The following UST variants were observed in gnomAD, a reference collection of about 807,000 sequenced individuals.
UST encodes the protein uronyl 2-sulfotransferase, also known as chondroitin sulfate 2-O-sulfotransferase.
UST carries 21 observed loss-of-function variants against 45.6 expected under a neutral mutation model. That is an observed-to-expected ratio of 0.46 (90% CI 0.33 to 0.66). UST has a LOEUF of 0.66. Among genes scored for constraint, UST ranks in the 30% least tolerant of loss-of-function variants. The pLI, the probability that UST is intolerant of heterozygous loss-of-function variation, is 0.02. For synonymous variants in UST, 215 were observed against 200.6 expected, an observed-to-expected ratio of 1.07 and a Z score of -0.61; for missense variants, 463 against 512.4, an observed-to-expected ratio of 0.90 and a Z score of 0.93.
chr6:148,910,039 A>G (rs1230965728), intron 2 of UST, among the ~76,000 whole-genome samples: 2 of 150,666 alleles, frequency 1.3e-5, no homozygotes, highest in Admixed American at 6.6e-5. Flanking sequence ...GCTTCTTGTT[A>G]TTGGAACTTA....
chr6:148,857,411 T>C (rs1365661781), intron 1 of UST, among the ~76,000 whole-genome samples: 1 of 152,184 alleles, frequency 6.6e-6, no homozygotes, highest in Non-Finnish European at 1.5e-5. Flanking sequence ...CCACCGTAAG[T>C]TCTGCCAACA....
At chr6:148,799,481 G>T (rs1428127407) in intron 1 of UST, among the ~76,000 whole-genome samples, 3 of 152,136 alleles carry the variant, frequency 2.0e-5, no homozygotes, top group Non-Finnish European at 4.4e-5. Context: ...CGAAGTTGGT[G>T]GTTCCCGGCA....
At chr6:148,801,210 C>A (rs1777052707) in intron 1 of UST, among the ~76,000 whole-genome samples, 1 of 151,892 alleles carries the variant, frequency 6.6e-6, no homozygotes, top group Admixed American at 6.6e-5. Flanking sequence ...GATTTTTCCC[C>A]CAGAGGTATT....
At chr6:148,998,892 GGCAGCACTT>G (rs1372984015) in intron 5 of UST, among the ~76,000 whole-genome samples, 1 of 152,198 alleles carries the variant, frequency 6.6e-6, no homozygotes, top group Non-Finnish European at 1.5e-5. Flanking sequence ...GGTTAACCAA[GGCAGCACTT>G]GCAGCACTCA....
chr6:148,904,186 C>T (rs1779314806), intron 2 of UST, among the ~76,000 whole-genome samples: 1 of 152,134 alleles, frequency 6.6e-6, no homozygotes, highest in Admixed American at 6.5e-5. Context: ...CTCAAAGTGC[C>T]TCAAATCTTA....
chr6:149,059,209 T>C (rs972067395), intron 7 of UST, among the ~76,000 whole-genome samples: 32 of 152,150 alleles, frequency 2.1e-4, no homozygotes, highest in African/African-American at 4.8e-5. Context: ...GGCCATCTCC[T>C]CCAGCCCTGT....
chr6:149,017,861 TAGAA>T (rs1272432391), intron 5 of UST, among the ~76,000 whole-genome samples: 1 of 151,662 alleles, frequency 6.6e-6, no homozygotes, highest in Non-Finnish European at 1.5e-5. Context: ...AAACTCTTCT[TAGAA>T]AGGTATTTCA....
intron 2 of UST, among the ~76,000 whole-genome samples, chr6:148,918,089 C>G (rs1025965268): frequency 6.6e-6 from 1 of 152,124 alleles, no homozygotes; most frequent in Non-Finnish European, 1.5e-5. Flanking sequence ...CCCAAGCCCT[C>G]GTGGGGTTAA....
intron 5 of UST, among the ~76,000 whole-genome samples, chr6:149,017,182 C>T (rs1470278314): frequency 2.0e-5 from 3 of 152,118 alleles, no homozygotes; most frequent in African/African-American, 7.2e-5. Flanking sequence ...TGGAGACTAT[C>T]GTGGCTAACA....
chr6:148,924,675 A>C (rs1779778916), intron 2 of UST, among the ~76,000 whole-genome samples: 1 of 152,152 alleles, frequency 6.6e-6, no homozygotes, highest in African/African-American at 2.4e-5. Flanking sequence ...AGGCCGTCAC[A>C]TGTGGGCTGG....
At chr6:148,832,097 G>A (rs1777698805) in intron 1 of UST, among the ~76,000 whole-genome samples, 3 of 152,282 alleles carry the variant, frequency 2.0e-5, no homozygotes, top group South Asian at 4.1e-4. Flanking sequence ...GGATTCAAGC[G>A]ATTCTGCCTC....
At chr6:148,887,480 CT>C (rs1460455599) in intron 2 of UST, among the ~76,000 whole-genome samples, 15 of 152,244 alleles carry the variant, frequency 9.9e-5, no homozygotes, top group African/African-American at 2.9e-4. Flanking sequence ...CAAGGCTGCC[CT>C]GGCCTGGCCT....
chr6:148,747,740 G>A, intron 1 of UST, 63 bp downstream of exon 1: 1 of 1,479,390 alleles, frequency 6.8e-7, no homozygotes. Flanking sequence ...GCGGGGAGAG[G>A]GTCGCGGCGG....
chr6:149,046,648 A>G (rs984175922), intron 7 of UST, among the ~76,000 whole-genome samples: 5 of 152,216 alleles, frequency 3.3e-5, no homozygotes, highest in African/African-American at 4.8e-5. Flanking sequence ...GTGACCTCAC[A>G]AAGCTGTTTT....
chr6:148,997,454 G>T (rs1261533638), intron 5 of UST, among the ~76,000 whole-genome samples: 2 of 152,116 alleles, frequency 1.3e-5, no homozygotes, highest in Admixed American at 6.5e-5. Context: ...GATGGAAAAT[G>T]AATGAGTGAA....
At chr6:149,061,038 G>A (rs1045797837) in intron 7 of UST, among the ~76,000 whole-genome samples, 4 of 152,074 alleles carry the variant, frequency 2.6e-5, no homozygotes, top group Admixed American at 1.3e-4. Flanking sequence ...GCATACACTC[G>A]GATCAAGGAA....
intron 1 of UST, among the ~76,000 whole-genome samples, chr6:148,855,857 A>G (rs1333996778): frequency 1.3e-5 from 2 of 152,120 alleles, no homozygotes; most frequent in African/African-American, 2.4e-5. Context: ...GTGTTGTGTA[A>G]ATTATACACA....
In UST at chr6:149,005,342, T is replaced by A. The variant is rs963220176; in HGVS notation, c.682-13797T>A. On this transcript the variant is annotated intron_variant, in intron 5 of 7. Transcript: ENST00000367463. ...TTGGAGAGGGTTGAGCGGCCCTGGCTGTAGAGGAAAGAAGACTCCAGAAGC... is the reference window on the plus strand; with the variant it reads ...TTGGAGAGGGTTGAGCGGCCCTGGCAGTAGAGGAAAGAAGACTCCAGAAGC... 4.1e-6 allele frequency: 4 copies of A among 985,250 alleles called. 1 individual carries two copies. Among genetic ancestry groups the A allele is most frequent in the Non-Finnish European group, 4.8e-6 (4 of 829,988 alleles). 61.0% of individuals were successfully genotyped at this position (985,250 alleles called of 1,614,324 possible).
chr6:148,841,551 C>T (rs1317268939), intron 1 of UST, among the ~76,000 whole-genome samples: 1 of 146,258 alleles, frequency 6.8e-6, no homozygotes, highest in East Asian at 2.0e-4. Context: ...CCTAGCTGTG[C>T]TTTATAATTT....
Sources: gnomAD v4.1 joint callset for allele counts (sites outside exome capture counted in the v4.1 genomes callset) on GRCh38, gnomAD v4.1.1 for gene constraint, MANE v1.5 for transcripts, NCBI Gene and HGNC (gene_info 2026-07-23, HGNC 2026-07-21) for gene names.